MAGI1: variants seen among roughly 807,000 people sequenced by gnomAD.
MAGI1 encodes the protein membrane-associated guanylate kinase, WW and PDZ domain-containing protein 1.
In MAGI1, 58 loss-of-function variants were observed where a neutral mutation model predicts 139.9. The observed-to-expected ratio is 0.41, with a 90% confidence interval of 0.34 to 0.52. The LOEUF is 0.52. Among genes scored for constraint, MAGI1 ranks in the 20% least tolerant of loss-of-function variants. The pLI is 0.12. For missense variants in MAGI1, 1,874 were observed against 1,901.6 expected, an observed-to-expected ratio of 0.99 and a Z score of 0.27; for synonymous variants, 812 against 737.9, an observed-to-expected ratio of 1.10 and a Z score of -1.63.
chr3:65,833,706 G>A (rs559822508), intron 1 of MAGI1, among the ~76,000 whole-genome samples: 3 of 152,170 alleles, frequency 2.0e-5, no homozygotes, highest in Non-Finnish European at 2.9e-5. Flanking sequence ...TGAAGCAAGT[G>A]CCAGCTTTTT....
chr3:65,508,020 T>C (rs2077371801), intron 2 of MAGI1, among the ~76,000 whole-genome samples: 1 of 152,192 alleles, frequency 6.6e-6, no homozygotes, highest in Admixed American at 6.5e-5. Context: ...GTTCTGGTCT[T>C]TACCCACACT....
chr3:66,031,100 T>C (rs1379501885), intron 1 of MAGI1, among the ~76,000 whole-genome samples: 1 of 152,132 alleles, frequency 6.6e-6, no homozygotes, highest in Non-Finnish European at 1.5e-5. Context: ...TACTAGGGAT[T>C]TTTCAAGGTT....
intron 2 of MAGI1, among the ~76,000 whole-genome samples, chr3:65,529,836 T>G (rs1224917827): frequency 1.3e-5 from 2 of 152,100 alleles, no homozygotes; most frequent in Non-Finnish European, 1.5e-5. Flanking sequence ...CATATATACA[T>G]AAATATAATA....
At chr3:65,529,985 G>A (rs961884701) in intron 2 of MAGI1, among the ~76,000 whole-genome samples, 1 of 151,992 alleles carries the variant, frequency 6.6e-6, no homozygotes, top group African/African-American at 2.4e-5. Context: ...ATGACTTTAA[G>A]TCCTCTCCAT....
intron 1 of MAGI1, among the ~76,000 whole-genome samples, chr3:65,987,496 A>G (rs1278932311): frequency 6.6e-6 from 1 of 152,184 alleles, no homozygotes. Flanking sequence ...GAGGCAGGCG[A>G]GCCACTTACC....
At position 65,651,542 on chromosome 3, in the gene MAGI1, T is replaced by C. The variant is rs527457084; in HGVS notation, c.314-29454A>G. ...CCCTGTATATTGCGGCATGTGGACC[T>C]GCACATTAAGCCCACTTTGCCAGTC... On this transcript the variant is annotated intron_variant, in intron 1 of 22. Transcript: ENST00000402939. Among the ~76,000 whole-genome samples the C allele has an allele frequency of 2.3e-4, 35 of 152,274 alleles. 1 individual carries two copies. The highest frequency in any genetic ancestry group is 8.2e-4 in the African/African-American group (34 of 41,566).
At chr3:65,894,876 C>T (rs1381033968) in intron 1 of MAGI1, among the ~76,000 whole-genome samples, 1 of 152,196 alleles carries the variant, frequency 6.6e-6, no homozygotes, top group East Asian at 1.9e-4. Context: ...CCGGCTGAGG[C>T]CACTTGCCTC....
chr3:65,795,072 G>A (rs1222252886), intron 1 of MAGI1, among the ~76,000 whole-genome samples: 4 of 152,118 alleles, frequency 2.6e-5, no homozygotes, highest in Admixed American at 6.5e-5. Flanking sequence ...GTGAGGTCAC[G>A]GAAAACAGTT....
At chr3:66,017,716 T>A (rs780227618) in intron 1 of MAGI1, among the ~76,000 whole-genome samples, 3 of 152,154 alleles carry the variant, frequency 2.0e-5, no homozygotes, top group Non-Finnish European at 2.9e-5. Flanking sequence ...AGAGAGGCAC[T>A]AAATCAAGCT....
intron 1 of MAGI1, among the ~76,000 whole-genome samples, chr3:65,710,117 C>G (rs2031134704): frequency 6.6e-6 from 1 of 152,060 alleles, no homozygotes; most frequent in Non-Finnish European, 1.5e-5. Flanking sequence ...CAAGATTTCA[C>G]AAGCCTTTTT....
intron 20 of MAGI1, 25 bp downstream of exon 20, chr3:65,364,640 G>A: frequency 6.2e-7 from 1 of 1,604,058 alleles, no homozygotes; most frequent in Middle Eastern, 1.8e-4. Flanking sequence ...GCAAAGTATA[G>A]AGAAAAAAGA....
At chr3:65,900,644 A>G (rs2061187023) in intron 1 of MAGI1, among the ~76,000 whole-genome samples, 1 of 152,204 alleles carries the variant, frequency 6.6e-6, no homozygotes, top group Non-Finnish European at 1.5e-5. Context: ...ACAAAAAGGC[A>G]ACTGTGGTGA....
intron 1 of MAGI1, among the ~76,000 whole-genome samples, chr3:65,653,705 A>G (rs991226149): frequency 6.6e-6 from 1 of 152,132 alleles, no homozygotes; most frequent in African/African-American, 2.4e-5. Flanking sequence ...TACCCTTCCT[A>G]AGGCAGTGAA....
At chr3:65,898,655 A>G (rs1162044036) in intron 1 of MAGI1, among the ~76,000 whole-genome samples, 1 of 152,182 alleles carries the variant, frequency 6.6e-6, no homozygotes, top group Non-Finnish European at 1.5e-5. Flanking sequence ...ATATACTGAC[A>G]TAGAAAAGCA....
At chr3:65,425,679 A>T (rs1219793008) in intron 12 of MAGI1, among the ~76,000 whole-genome samples, 1 of 152,126 alleles carries the variant, frequency 6.6e-6, no homozygotes, top group Non-Finnish European at 1.5e-5. Context: ...AAAACATAGG[A>T]TCTTCACTTG....
intron 1 of MAGI1, among the ~76,000 whole-genome samples, chr3:65,922,158 G>C (rs2062237358): frequency 6.6e-6 from 1 of 152,036 alleles, no homozygotes; most frequent in Non-Finnish European, 1.5e-5. Context: ...GACTCTAAGA[G>C]ATGAAATGAC....
intron 1 of MAGI1, among the ~76,000 whole-genome samples, chr3:65,721,544 A>C (rs1434963920): frequency 1.3e-5 from 2 of 152,204 alleles, no homozygotes; most frequent in Admixed American, 1.3e-4. Flanking sequence ...TAAGGGATTT[A>C]GAAAATCTTA....
chr3:65,950,317 A>G (rs1304105985), intron 1 of MAGI1, among the ~76,000 whole-genome samples: 1 of 152,028 alleles, frequency 6.6e-6, no homozygotes, highest in East Asian at 1.9e-4. Context: ...CATTTCTAAC[A>G]ACTTTAGCCA....
At position 65,818,068 on chromosome 3, in the gene MAGI1, GTCTC is replaced by G. The variant is rs1185247369; in HGVS notation, c.314-195984_314-195981del. Among the ~76,000 whole-genome samples the G allele has an allele frequency of 1.8e-3, 269 of 151,614 alleles. 1 individual carries two copies. Among genetic ancestry groups the G allele is most frequent in the Middle Eastern group, 6.8e-3 (2 of 294 alleles). The stretch of plus-strand genomic sequence containing the variant: ...AGTGTGTGTGTGTGTGTGTGTGTGT[GTCTC>G]TCTCTTTGACTTTCCTTTGTTAAAG... On this transcript the variant is annotated intron_variant, in intron 1 of 22. Transcript: ENST00000402939.
Sources: allele counts gnomAD v4.1 joint callset (sites outside exome capture counted in the v4.1 genomes callset), GRCh38; gene constraint gnomAD v4.1.1; transcripts MANE v1.5; gene names NCBI Gene and HGNC (gene_info 2026-07-23, HGNC 2026-07-21).